INPP4B: variants seen among roughly 807,000 people sequenced by gnomAD.
INPP4B encodes the protein inositol polyphosphate-4-phosphatase type II B, also known as inositol polyphosphate 4-phosphatase type II.
Under a neutral mutation model 122.5 loss-of-function variants are expected in INPP4B, and 55 were observed. The ratio of observed to expected loss-of-function variants is 0.45; its 90% confidence interval spans 0.36 to 0.56. The LOEUF (loss-of-function observed/expected upper bound fraction) is 0.56, where lower values mean the gene tolerates loss of function less well. INPP4B is among the 20% of genes least tolerant of loss of function. The pLI is 0.00. For synonymous variants in INPP4B, 403 were observed against 388.7 expected (o/e 1.04, Z -0.43); for missense variants, 1,000 against 1,097.7 (o/e 0.91, Z 1.26).
chr4:142,569,907 CA>C lies in INPP4B; in HGVS notation c.-190-107182del, dbSNP rs535879881. Among the ~76,000 whole-genome samples, 886 of 152,116 alleles carry C rather than the reference CA, an allele frequency of 5.8e-3. 8 individuals carry two copies. The highest frequency in any genetic ancestry group is 0.02 in the African/African-American group (812 of 41,514). On this transcript the variant is annotated intron_variant, in intron 2 of 25. Coordinates refer to ENST00000262992, the MANE Select transcript of INPP4B (RefSeq NM_001101669.3). ...CTCATACATAAATTTTCTGTGTGTA[CA>C]AAATACATAGGTAATAAAATAAAAT...
chr4:142,750,801 C>T (rs1769572281), intron 1 of INPP4B, among the ~76,000 whole-genome samples: 1 of 152,022 alleles, frequency 6.6e-6, no homozygotes, highest in Admixed American at 6.6e-5. Context: ...TCTTGGATGC[C>T]AAGTTATAGA....
At chr4:142,638,200 A>G (rs553655374) in intron 2 of INPP4B, among the ~76,000 whole-genome samples, 1 of 152,264 alleles carries the variant, frequency 6.6e-6, no homozygotes, top group African/African-American at 2.4e-5. Flanking sequence ...TCAGTTTAGT[A>G]AAGTCCAGCT....
At chr4:142,420,104 T>TA (rs984153278) in intron 5 of INPP4B, among the ~76,000 whole-genome samples, 2 of 151,520 alleles carry the variant, frequency 1.3e-5, no homozygotes, top group African/African-American at 2.4e-5. Flanking sequence ...AAAGACAAAT[T>TA]AAAAAAAAGT....
At chr4:142,464,621 A>C (rs1278275620) in intron 2 of INPP4B, among the ~76,000 whole-genome samples, 3 of 151,928 alleles carry the variant, frequency 2.0e-5, no homozygotes, top group Non-Finnish European at 4.4e-5. Flanking sequence ...AAGAAAAAAA[A>C]AAAATGTTTC....
At chr4:142,336,032 C>T (rs1027868911) in intron 7 of INPP4B, among the ~76,000 whole-genome samples, 26 of 152,312 alleles carry the variant, frequency 1.7e-4, no homozygotes, top group Non-Finnish European at 3.7e-4. Flanking sequence ...GCATGCATTC[C>T]TCCATTCTGA....
rs12019254 is a variant in INPP4B, at chr4:142,284,788, G to A, written c.504-14014C>T. 4.6e-3 allele frequency among the ~76,000 whole-genome samples: 698 copies of A among 152,122 alleles called. 6 individuals are homozygous for A. The highest frequency in any genetic ancestry group is 0.016 in the African/African-American group (659 of 41,504). On this transcript the variant is annotated intron_variant, in intron 9 of 25. Transcript: ENST00000262992. ...TGTACCAAATAAAACCTGTAAGCAC[G>A]GAAGTCAAGTTTCCCCAGCCTGTTC...
intron 25 of INPP4B, among the ~76,000 whole-genome samples, chr4:142,032,343 T>G (rs532354888): frequency 1.6e-4 from 24 of 151,984 alleles, no homozygotes; most frequent in Non-Finnish European, 3.1e-4. Flanking sequence ...GAGGAGAGAC[T>G]CTACAGTTAT....
intron 7 of INPP4B, among the ~76,000 whole-genome samples, chr4:142,344,363 T>C (rs1352318216): frequency 6.6e-6 from 1 of 152,074 alleles, no homozygotes; most frequent in Non-Finnish European, 1.5e-5. Context: ...AAAGGCCCTT[T>C]AGCCAAACTA....
chr4:142,617,595 T>C (rs1440719313), intron 2 of INPP4B, among the ~76,000 whole-genome samples: 1 of 152,002 alleles, frequency 6.6e-6, no homozygotes, highest in Non-Finnish European at 1.5e-5. Context: ...GGCGCTGCCA[T>C]TAATTTCATA....
chr4:142,238,381 A>G (rs185560673), intron 11 of INPP4B, among the ~76,000 whole-genome samples: 127 of 152,262 alleles, frequency 8.3e-4, no homozygotes, highest in African/African-American at 3.0e-3. Flanking sequence ...GTATGTGTCT[A>G]CAAACATACA....
rs577484930 is a variant in INPP4B, at chr4:142,242,551, A to C, written c.689-4540T>G. Among the ~76,000 whole-genome samples the C allele has an allele frequency of 6.3e-4, 96 of 152,260 alleles. 2 individuals carry two copies. The South Asian group carries it at 0.019, about 30-fold the overall frequency. On this transcript the variant is annotated intron_variant, in intron 11 of 25. Coordinates refer to ENST00000262992, the MANE Select transcript of INPP4B (RefSeq NM_001101669.3). ...GAAGGATACAACTTGTAAAGCTAGA[A>C]GCTAGCTTCTATTTCATGCTGAAAA...
intron 3 of INPP4B, among the ~76,000 whole-genome samples, chr4:142,439,947 T>C (rs551264817): frequency 6.6e-5 from 10 of 152,324 alleles, no homozygotes; most frequent in Non-Finnish European, 1.5e-4. Context: ...TCTCCTAAGT[T>C]CCCCTAGTAA....
chr4:142,427,169 T>C, intron 5 of INPP4B: 1 of 188,604 alleles, frequency 5.3e-6, no homozygotes, highest in East Asian at 1.2e-4. Context: ...AAGAGTAGTT[T>C]TTAAAAAATT....
At chr4:142,509,494 T>G (rs1035050652) in intron 2 of INPP4B, among the ~76,000 whole-genome samples, 5 of 152,148 alleles carry the variant, frequency 3.3e-5, no homozygotes, top group African/African-American at 9.7e-5. Flanking sequence ...TTTCTGTTCC[T>G]GTGTTAGTTT....
intron 17 of INPP4B, among the ~76,000 whole-genome samples, chr4:142,149,952 C>A (rs1168344546): frequency 6.6e-6 from 1 of 152,208 alleles, no homozygotes; most frequent in South Asian, 2.1e-4. Context: ...ACATGATAGT[C>A]AATTATTTTG....
chr4:142,127,056 T>G (rs558116504), intron 18 of INPP4B, among the ~76,000 whole-genome samples: 9 of 152,296 alleles, frequency 5.9e-5, no homozygotes, highest in African/African-American at 2.2e-4. Context: ...TTCCCAAACA[T>G]AAAATACATC....
intron 2 of INPP4B, among the ~76,000 whole-genome samples, chr4:142,587,831 T>G (rs1736559366): frequency 6.6e-6 from 1 of 152,030 alleles, no homozygotes; most frequent in African/African-American, 2.4e-5. Context: ...TTCCTCTTAT[T>G]CTATTATGAC....
intron 2 of INPP4B, among the ~76,000 whole-genome samples, chr4:142,523,264 C>A (rs941343745): frequency 6.6e-5 from 10 of 152,054 alleles, no homozygotes; most frequent in African/African-American, 2.2e-4. Context: ...CATGTTTTAA[C>A]TAGCCCCCAG....
chr4:142,264,424 A>C (rs900140863), intron 10 of INPP4B, among the ~76,000 whole-genome samples: 1 of 152,210 alleles, frequency 6.6e-6, no homozygotes, highest in Non-Finnish European at 1.5e-5. Flanking sequence ...TGCAACATTC[A>C]TCTACTATGC....
Sources: allele counts gnomAD v4.1 joint callset (sites outside exome capture counted in the v4.1 genomes callset), GRCh38; gene constraint gnomAD v4.1.1; transcripts MANE v1.5; gene names NCBI Gene and HGNC (gene_info 2026-07-23, HGNC 2026-07-21).